Variants in NLGN1 observed in about 807,000 individuals in gnomAD.
The protein encoded by NLGN1 is neuroligin-1.
NLGN1 carries 12 observed loss-of-function variants against 65.5 expected under a neutral mutation model. The observed-to-expected ratio is 0.18, with a 90% CI of 0.12 to 0.30. The LOEUF is 0.30. NLGN1 is among the 10% of genes least tolerant of loss of function. The pLI, the probability that NLGN1 is intolerant of heterozygous loss-of-function variation, is 1.00. For missense variants in NLGN1, 750 were observed against 1,007.1 expected (o/e 0.74, Z 3.46); for synonymous variants, 350 against 359.5 (o/e 0.97, Z 0.30).
chr3:174,282,442 A>G (rs906188999), exon 7 of NLGN1: 8 of 152,400 alleles, frequency 5.2e-5, no homozygotes, highest in African/African-American at 1.9e-4. Flanking sequence ...ATAACAATTC[A>G]TTATAAAGTT....
chr3:173,543,730 T>C (rs1739283589), intron 2 of NLGN1, among the ~76,000 whole-genome samples: 1 of 152,170 alleles, frequency 6.6e-6, no homozygotes. Context: ...TTAAATTGTT[T>C]ATTGAACTCT....
chr3:173,876,404 G>A (rs1732113077), intron 4 of NLGN1, among the ~76,000 whole-genome samples: 2 of 152,062 alleles, frequency 1.3e-5, no homozygotes, highest in South Asian at 2.1e-4. Context: ...AATGTTCAGG[G>A]TTTGTTTGTT....
At chr3:173,591,703 T>C (rs186055406) in intron 2 of NLGN1, among the ~76,000 whole-genome samples, 2 of 152,280 alleles carry the variant, frequency 1.3e-5, no homozygotes, top group East Asian at 1.9e-4. Flanking sequence ...AACTGGACTT[T>C]AATTAAGCAG....
chr3:173,413,819 T>A (rs922418937), intron 1 of NLGN1, among the ~76,000 whole-genome samples: 3 of 152,146 alleles, frequency 2.0e-5, no homozygotes, highest in African/African-American at 7.2e-5. Context: ...CAGGTGATTC[T>A]GGCTACCCTA....
chr3:173,982,668 C>T (rs1488397847), intron 4 of NLGN1, among the ~76,000 whole-genome samples: 1 of 152,152 alleles, frequency 6.6e-6, no homozygotes, highest in Admixed American at 6.6e-5. Context: ...GTGTCAATTT[C>T]TGAGTCAAAC....
At chr3:174,075,383 TAATC>T (rs994477680) in intron 4 of NLGN1, among the ~76,000 whole-genome samples, 46 of 152,286 alleles carry the variant, frequency 3.0e-4, no homozygotes, top group African/African-American at 1.1e-3. Context: ...TTTGGATCCT[TAATC>T]AATAAAAATT....
chr3:173,814,345 C>T (rs10513718), intron 4 of NLGN1, among the ~76,000 whole-genome samples: 4,567 of 152,250 alleles, frequency 0.03, 183 homozygotes, highest in East Asian at 0.17. Context: ...GTTATGTCAA[C>T]TGGGTTTTAA....
chr3:173,634,165 A>G (rs1424188032), intron 3 of NLGN1, among the ~76,000 whole-genome samples: 2 of 152,164 alleles, frequency 1.3e-5, no homozygotes, highest in African/African-American at 2.4e-5. Flanking sequence ...AAAGAAAAGC[A>G]AACAATACAA....
chr3:174,134,997 GA>G lies in NLGN1; in HGVS notation c.647-140311del, dbSNP rs530475046. 3.3e-3 allele frequency among the ~76,000 whole-genome samples: 509 copies of G among 152,092 alleles called. 3 individuals carry two copies. Among genetic ancestry groups the G allele is most frequent in the Non-Finnish European group, 5.3e-3 (357 of 67,962 alleles). On this transcript the variant is annotated intron_variant, in intron 4 of 6. Transcript: ENST00000457714. ...AACAATTGTAGGTACTTCTGACATA[GA>G]AAAAAACCCCGCAATTTAGTGTTCT...
chr3:174,178,746 G>A (rs541752860), intron 4 of NLGN1, among the ~76,000 whole-genome samples: 17 of 151,674 alleles, frequency 1.1e-4, no homozygotes, highest in African/African-American at 2.4e-4. Context: ...TTATAAATTC[G>A]TGCTGTGCTC....
intron 3 of NLGN1, among the ~76,000 whole-genome samples, chr3:173,722,901 A>G (rs1458726412): frequency 6.6e-6 from 1 of 152,252 alleles, no homozygotes; most frequent in African/African-American, 2.4e-5. Context: ...AATGAAAGAA[A>G]AATAAAAATA....
At chr3:173,758,167 G>A (rs1169671519) in intron 3 of NLGN1, among the ~76,000 whole-genome samples, 24 of 151,998 alleles carry the variant, frequency 1.6e-4, no homozygotes, top group Admixed American at 1.6e-3. Flanking sequence ...GGCTATGTGA[G>A]GACACAGGAA....
At chr3:174,205,110 T>TA (rs1015879132) in intron 4 of NLGN1, among the ~76,000 whole-genome samples, 12 of 152,080 alleles carry the variant, frequency 7.9e-5, no homozygotes, top group Non-Finnish European at 1.5e-4. Flanking sequence ...TTCAAAATTT[T>TA]AAAAAAAATT....
At chr3:173,959,981 A>C (rs1000471638) in intron 4 of NLGN1, among the ~76,000 whole-genome samples, 1 of 152,096 alleles carries the variant, frequency 6.6e-6, no homozygotes, top group South Asian at 2.1e-4. Flanking sequence ...TTAGAAAATC[A>C]TTATACTGAG....
intron 4 of NLGN1, among the ~76,000 whole-genome samples, chr3:173,998,120 T>C (rs1377642998): frequency 1.3e-5 from 2 of 152,098 alleles, no homozygotes; most frequent in African/African-American, 2.4e-5. Flanking sequence ...AGGAGAAAAG[T>C]AAAGCCCAAC....
At chr3:173,695,897 ACCT>A (rs1234181275) in intron 3 of NLGN1, among the ~76,000 whole-genome samples, 3 of 152,110 alleles carry the variant, frequency 2.0e-5, no homozygotes, top group African/African-American at 7.2e-5. Context: ...TGCAGCCTCG[ACCT>A]CCTGGGCTTA....
At chr3:173,996,714 A>G (rs1402772861) in intron 4 of NLGN1, among the ~76,000 whole-genome samples, 2 of 152,188 alleles carry the variant, frequency 1.3e-5, no homozygotes. Context: ...TCTGAGAACT[A>G]CACTTTGGAC....
At chr3:173,745,871 A>G (rs919795363) in intron 3 of NLGN1, among the ~76,000 whole-genome samples, 9 of 152,116 alleles carry the variant, frequency 5.9e-5, no homozygotes, top group Non-Finnish European at 1.5e-5. Context: ...TCAGATAACC[A>G]TAAGTTAGAA....
intron 2 of NLGN1, among the ~76,000 whole-genome samples, chr3:173,460,371 G>C (rs967239528): frequency 1.3e-5 from 2 of 152,108 alleles, no homozygotes; most frequent in Non-Finnish European, 2.9e-5. Flanking sequence ...GAGGAGATCA[G>C]ACATGTACAA....
Sources: gnomAD v4.1 joint callset for allele counts (sites outside exome capture counted in the v4.1 genomes callset) on GRCh38, gnomAD v4.1.1 for gene constraint, MANE v1.5 for transcripts, NCBI Gene and HGNC (gene_info 2026-07-23, HGNC 2026-07-21) for gene names.